The following AKAP13 variants were observed in gnomAD, a reference collection of about 807,000 sequenced individuals.
AKAP13 encodes the protein A-kinase anchoring protein 13.
AKAP13 carries 80 observed loss-of-function variants against 264.5 expected under a neutral mutation model. The ratio of observed to expected loss-of-function variants is 0.30; its 90% CI spans 0.25 to 0.36. AKAP13 has a LOEUF of 0.36. Ranked by LOEUF, AKAP13 falls within the 10% of genes least tolerant of loss-of-function variation. The pLI is 1.00. For missense variants in AKAP13, 3,712 were observed against 3,435.2 expected, an observed-to-expected ratio of 1.08 and a Z score of -2.01; for synonymous variants, 1,380 against 1,250.2, an observed-to-expected ratio of 1.10 and a Z score of -2.19.
At chr15:85,399,212 G>A (rs1391164642) in intron 1 of AKAP13, among the ~76,000 whole-genome samples, 1 of 151,828 alleles carries the variant, frequency 6.6e-6, no homozygotes, top group African/African-American at 2.4e-5. Flanking sequence ...AGTTTTAGAT[G>A]CAGGCCGGGC....
At chr15:85,563,294 A>G (rs886689447) in intron 5 of AKAP13, among the ~76,000 whole-genome samples, 2 of 148,506 alleles carry the variant, frequency 1.3e-5, no homozygotes, top group Admixed American at 6.9e-5. Context: ...GCCTGTCGGA[A>G]TCAATATTGT....
Position 85,578,496 on chromosome 15 carries a change from C to T in AKAP13, c.862-434C>T, listed in dbSNP as rs2079088650. 2.0e-5 allele frequency among the ~76,000 whole-genome samples: 3 copies of T among 152,084 alleles called. No homozygotes were observed. In the South Asian group the frequency reaches 6.2e-4, roughly 32 times the overall value. ...CCAAGTAGCTGAGATTACAGGCATG[C>T]ACCACTACGCCCAGCTAATTTTGTA... On this transcript the variant is annotated intron_variant, in intron 6 of 36. Transcript: ENST00000394518.
intron 16 of AKAP13, chr15:85,691,791 T>A: frequency 2.1e-6 from 1 of 469,096 alleles, no homozygotes; most frequent in Non-Finnish European, 4.3e-6. Context: ...AAGCACAAGA[T>A]GAGTATCAGT....
intron 2 of AKAP13, among the ~76,000 whole-genome samples, chr15:85,516,820 G>T (rs992393894): frequency 1.3e-5 from 2 of 152,206 alleles, no homozygotes; most frequent in African/African-American, 4.8e-5. Flanking sequence ...TTTGACAAGA[G>T]ATGTGAGTTG....
chr15:85,472,393 T>C lies in AKAP13; in HGVS notation c.-11-13317T>C, dbSNP rs550195847. 2.6e-5 allele frequency among the ~76,000 whole-genome samples: 4 copies of C among 152,086 alleles called. No homozygotes were observed. The South Asian group carries it at 8.3e-4, about 32-fold the overall frequency. On this transcript the variant is annotated intron_variant, in intron 1 of 36. Transcript: ENST00000394518. ...ACTCAACAAATTTTCAACAAGTTAT[T>C]GCCAGTCTAAATTGGGGTAATATAA... is the stretch of plus-strand genomic sequence containing the variant.
chr15:85,481,608 T>C (rs1006407078), intron 1 of AKAP13, among the ~76,000 whole-genome samples: 1 of 152,272 alleles, frequency 6.6e-6, no homozygotes, highest in Admixed American at 6.5e-5. Context: ...TCTGTGCTTC[T>C]GCTTATTTCA....
chr15:85,533,512 A>G (rs2077304405), intron 3 of AKAP13, 72 bp from the exon 4 acceptor site: 1 of 1,440,966 alleles, frequency 6.9e-7, no homozygotes, highest in Admixed American at 2.4e-5. Context: ...ATAAGAGCTA[A>G]GAGGATCCAC....
In AKAP13 at chr15:85,722,274, G is replaced by C. The variant is rs779562600; in HGVS notation, c.6423G>C (p.Glu2141Asp). 1 of 1,613,970 alleles carries C rather than the reference G, an allele frequency of 6.2e-7. No individual in the cohort carries two copies. Among genetic ancestry groups the C allele is most frequent in the South Asian group, 1.1e-5 (1 of 91,056 alleles). ...TTGTTAGAAGGCTTGGAATTCCAGA[G>C]TGCATATTGCTTGTAACTCAGCGGA... ...SSVVRRLGIPECILLVTQRIT... is the reference protein window; with the variant it reads ...SSVVRRLGIPDCILLVTQRIT... Residue 2141 changes from glutamate (E) to aspartate (D), a missense_variant, in exon 25 of 37, where the codon GAG becomes GAC. Physicochemically the swap from Glu to Asp is conservative, Grantham distance 45. This residue lies in a region of AKAP13 where 342 missense variants were observed against 484.3 expected (regional missense o/e 0.71). Transcript: ENST00000394518.
intron 3 of AKAP13, among the ~76,000 whole-genome samples, chr15:85,531,395 C>T (rs1047409216): frequency 6.6e-5 from 10 of 152,220 alleles, no homozygotes; most frequent in Non-Finnish European, 7.3e-5. Flanking sequence ...CTCATCTTCA[C>T]CTTCTGATCA....
At chr15:85,738,130 G>A (rs1291978171) in intron 33 of AKAP13, among the ~76,000 whole-genome samples, 1 of 152,024 alleles carries the variant, frequency 6.6e-6, no homozygotes, top group Non-Finnish European at 1.5e-5. Context: ...GGGCTCGGTG[G>A]CTCACGCCTG....
At chr15:85,446,362 T>C (rs2073898741) in intron 1 of AKAP13, among the ~76,000 whole-genome samples, 1 of 151,986 alleles carries the variant, frequency 6.6e-6, no homozygotes, top group South Asian at 2.1e-4. Context: ...TGGGAGGCAA[T>C]GTAGGCAGTG....
intron 8 of AKAP13, chr15:85,619,379 G>A (rs1363893802): frequency 3.0e-6 from 3 of 985,204 alleles, no homozygotes; most frequent in African/African-American, 3.5e-5. Context: ...TACAGCAGGA[G>A]TGGTCTTTTA....
At chr15:85,543,395 C>G (rs2077633683) in intron 4 of AKAP13, among the ~76,000 whole-genome samples, 1 of 152,196 alleles carries the variant, frequency 6.6e-6, no homozygotes, top group Admixed American at 6.5e-5. Flanking sequence ...TGTGGGGCTG[C>G]ATTTGCTTCT....
Position 85,747,851 on chromosome 15 carries a change from A to G in AKAP13, c.*3174A>G, listed in dbSNP as rs1250483793. On this transcript the variant is annotated 3_prime_UTR_variant, in exon 37 of 37. Coordinates refer to ENST00000394518, the MANE Select transcript of AKAP13 (RefSeq NM_007200.5). ...TTTTCCCCTTCTGTGTCTCAGGGTA[A>G]TACTATTCAGAGTCGCCCCTTTGCT... The G allele has an allele frequency of 2.0e-5, 3 of 153,190 alleles. No homozygotes were observed. Among genetic ancestry groups the G allele is most frequent in the African/African-American group, 7.2e-5 (3 of 41,394 alleles). 9.5% of individuals were successfully genotyped at this position (153,190 alleles called of 1,614,324 possible).
At chr15:85,405,429 C>T (rs746629984) in intron 1 of AKAP13, among the ~76,000 whole-genome samples, 5 of 152,010 alleles carry the variant, frequency 3.3e-5, no homozygotes, top group African/African-American at 4.8e-5. Flanking sequence ...TACTATGGAC[C>T]GGGTAAGTTA....
At chr15:85,564,230 G>C (rs2078523906) in intron 5 of AKAP13, among the ~76,000 whole-genome samples, 1 of 152,028 alleles carries the variant, frequency 6.6e-6, no homozygotes. Context: ...ATTTAACTTT[G>C]TATTTTGAAA....
At chr15:85,441,733 G>T (rs549967171) in intron 1 of AKAP13, among the ~76,000 whole-genome samples, 6 of 151,346 alleles carry the variant, frequency 4.0e-5, no homozygotes, top group Non-Finnish European at 7.4e-5. Context: ...ATATTTGCTT[G>T]TTCTGGTGCC....
intron 1 of AKAP13, among the ~76,000 whole-genome samples, chr15:85,477,926 T>C (rs2075225961): frequency 6.6e-6 from 1 of 152,188 alleles, no homozygotes; most frequent in Non-Finnish European, 1.5e-5. Flanking sequence ...TTTGTAGTTC[T>C]CAGCTACTCA....
At chr15:85,737,209 C>T (rs543730416) in intron 33 of AKAP13, among the ~76,000 whole-genome samples, 14 of 152,142 alleles carry the variant, frequency 9.2e-5, no homozygotes, top group South Asian at 8.3e-4. Flanking sequence ...CATGAGCCAC[C>T]GCGCCCAGCC....
Sources: gnomAD v4.1 joint callset for allele counts (sites outside exome capture counted in the v4.1 genomes callset) on GRCh38, gnomAD v4.1.1 for gene constraint, gnomAD v4.1.1 regional missense constraint, MANE v1.5 for transcripts, NCBI Gene and HGNC (gene_info 2026-07-23, HGNC 2026-07-21) for gene names.